CAPN8: variants seen among roughly 807,000 people sequenced by gnomAD.
CAPN8 encodes calpain-8.
A neutral mutation model predicts 80.9 loss-of-function variants in CAPN8; 87 were observed. That is an observed-to-expected ratio of 1.07 (90% CI 0.90 to 1.28). The LOEUF is 1.28. Ranked by LOEUF, CAPN8 falls within the 50% of genes most tolerant of loss-of-function variation. CAPN8 has a pLI of 0.00. For missense variants in CAPN8, 757 were observed against 702.0 expected, an observed-to-expected ratio of 1.08 and a Z score of -0.89; for synonymous variants, 299 against 273.8, an observed-to-expected ratio of 1.09 and a Z score of -0.91.
intron 2 of CAPN8, among the ~76,000 whole-genome samples, chr1:223,638,938 G>A (rs1469898783): frequency 1.3e-5 from 2 of 152,196 alleles, no homozygotes; most frequent in Non-Finnish European, 2.9e-5. Flanking sequence ...TGCTAATGTA[G>A]AATTAAAGTA....
chr1:223,652,895 A>C (rs1289978837), intron 2 of CAPN8, among the ~76,000 whole-genome samples: 1 of 152,046 alleles, frequency 6.6e-6, no homozygotes, highest in Non-Finnish European at 1.5e-5. Flanking sequence ...CATTGGCAGC[A>C]CGCACTCACC....
At chr1:223,547,486 T>C (rs1485141203) in intron 16 of CAPN8, among the ~76,000 whole-genome samples, 1 of 152,158 alleles carries the variant, frequency 6.6e-6, no homozygotes, top group Non-Finnish European at 1.5e-5. Flanking sequence ...GAGCGACTGG[T>C]AATAGGAGTA....
Position 223,553,862 on chromosome 1 carries a change from G to A in CAPN8, c.1611C>T (p.Phe537=), listed in dbSNP as rs1387470969. Residue 537 remains phenylalanine, a synonymous_variant, in exon 14 of 21, where the codon TTC becomes TTT. Coordinates refer to ENST00000366872, the MANE Select transcript of CAPN8 (RefSeq NM_001143962.2). ...PSEVDQEDDQ[F]RRLFEKLAGK... ...CTGCCAACTTCTCAAACAGCCTCCT[G>A]AACTGGTCATCTTCCTGATCCACCT... 2.0e-5 allele frequency: 8 copies of A among 398,572 alleles called. No individual in the cohort carries two copies. Among genetic ancestry groups the A allele is most frequent in the Admixed American group, 4.4e-5 (1 of 22,722 alleles). The allele number at this position is 398,572 out of a possible 1,614,324, so 24.7% of individuals were successfully genotyped here. A position where few individuals can be genotyped will look rare whatever the true frequency, so the allele number is the denominator to read the frequency against.
At chr1:223,646,997 C>G (rs1398352303) in intron 2 of CAPN8, among the ~76,000 whole-genome samples, 1 of 152,144 alleles carries the variant, frequency 6.6e-6, no homozygotes, top group African/African-American at 2.4e-5. Flanking sequence ...GAGAGCACCC[C>G]CTGGCCTGGC....
intron 2 of CAPN8, among the ~76,000 whole-genome samples, chr1:223,648,792 A>G (rs1394650380): frequency 2.6e-5 from 4 of 152,236 alleles, no homozygotes; most frequent in Non-Finnish European, 4.4e-5. Flanking sequence ...AGGTGAAGAG[A>G]AAAATCAGGT....
intron 13 of CAPN8, among the ~76,000 whole-genome samples, chr1:223,556,025 G>A (rs1353855989): frequency 5.3e-5 from 8 of 152,170 alleles, no homozygotes; most frequent in African/African-American, 1.4e-4. Context: ...CATGGCAAAC[G>A]CAAGGAATTA....
chr1:223,621,766 T>C (rs1248093365), intron 7 of CAPN8, among the ~76,000 whole-genome samples: 1 of 151,974 alleles, frequency 6.6e-6, no homozygotes, highest in Non-Finnish European at 1.5e-5. Context: ...CATCACAGAG[T>C]ACCGACAGCA....
chr1:223,621,324 C>T (rs1171809694), intron 7 of CAPN8, among the ~76,000 whole-genome samples: 7 of 151,452 alleles, frequency 4.6e-5, no homozygotes, highest in Non-Finnish European at 1.0e-4. Context: ...TCGGCACCCT[C>T]CTCCTCCAAT....
At chr1:223,643,958 T>G (rs982052895) in intron 2 of CAPN8, among the ~76,000 whole-genome samples, 5 of 152,196 alleles carry the variant, frequency 3.3e-5, no homozygotes, top group Admixed American at 1.3e-4. Context: ...AAAAAAAATT[T>G]TTTTAATACA....
At chr1:223,652,665 C>T (rs966299813) in intron 2 of CAPN8, among the ~76,000 whole-genome samples, 21 of 152,112 alleles carry the variant, frequency 1.4e-4, no homozygotes, top group African/African-American at 5.1e-4. Flanking sequence ...AGCCTTGGCG[C>T]TGTGAATCTC....
rs538586094 is a variant in CAPN8 at position 223,651,377 on chromosome 1, G to T, written c.307+2953C>A. Among the ~76,000 whole-genome samples the T allele has an allele frequency of 1.8e-4, 27 of 152,332 alleles. No individual in the cohort carries two copies. The South Asian group carries it at 5.0e-3, about 28-fold the overall frequency. The stretch of plus-strand genomic sequence containing the variant: ...GCCCAAAGAAAAGTCATATTCTACA[G>T]GAAAAATTACTTGAAACAATTGGAT... On this transcript the variant is annotated intron_variant, in intron 2 of 20. Coordinates refer to ENST00000366872, the MANE Select transcript of CAPN8 (RefSeq NM_001143962.2).
chr1:223,543,839 CA>C (rs1656539798), intron 19 of CAPN8, among the ~76,000 whole-genome samples: 2 of 152,184 alleles, frequency 1.3e-5, no homozygotes. Context: ...GTTAAGTCTC[CA>C]AAAAAGGCAT....
chr1:223,658,891 T>G (rs1234249073), intron 1 of CAPN8, among the ~76,000 whole-genome samples: 4 of 152,138 alleles, frequency 2.6e-5, no homozygotes, highest in Admixed American at 1.3e-4. Flanking sequence ...CCCAAATCTC[T>G]CCATTACTAA....
rs150415640 is a variant in CAPN8, at chr1:223,627,771, G to T, written c.560+238C>A. On this transcript the variant is annotated intron_variant, in intron 4 of 20. Transcript: ENST00000366872. Reference sequence around the variant, plus strand: ...AGCTCAGGCCCAGAGGGGCAGGGAGGCTGGCCCCACCACATACACATTCAC... The same window carrying T: ...AGCTCAGGCCCAGAGGGGCAGGGAGTCTGGCCCCACCACATACACATTCAC... Among the ~76,000 whole-genome samples, 16 of 152,298 alleles carry T rather than the reference G, an allele frequency of 1.1e-4. No individual in the cohort carries two copies. The South Asian group carries it at 3.3e-3, about 32-fold the overall frequency.
chr1:223,610,152 T>C (rs993931292), intron 11 of CAPN8, among the ~76,000 whole-genome samples: 7 of 152,242 alleles, frequency 4.6e-5, no homozygotes, highest in African/African-American at 1.7e-4. Flanking sequence ...TTCATCAAGA[T>C]GCCTGTGACA....
At chr1:223,661,782 T>C (rs1294351869) in intron 1 of CAPN8, among the ~76,000 whole-genome samples, 2 of 152,196 alleles carry the variant, frequency 1.3e-5, no homozygotes, top group Non-Finnish European at 2.9e-5. Context: ...AACGTAGAAC[T>C]GCCATATGAT....
At chr1:223,652,292 A>G (rs1658363299) in intron 2 of CAPN8, among the ~76,000 whole-genome samples, 1 of 151,992 alleles carries the variant, frequency 6.6e-6, no homozygotes, top group South Asian at 2.1e-4. Flanking sequence ...CAGTGAGCCG[A>G]TATCGGGCCA....
chr1:223,659,416 A>C (rs1658584074), intron 1 of CAPN8, among the ~76,000 whole-genome samples: 1 of 152,094 alleles, frequency 6.6e-6, no homozygotes, highest in African/African-American at 2.4e-5. Context: ...TTTGTCTGTC[A>C]GTTTCCCACA....
At chr1:223,625,099 T>C (rs961442233) in intron 6 of CAPN8, among the ~76,000 whole-genome samples, 1 of 151,820 alleles carries the variant, frequency 6.6e-6, no homozygotes, top group East Asian at 1.9e-4. Context: ...TCTCAAAAAA[T>C]AAAAAATAAA....
Sources: gnomAD v4.1 joint callset for allele counts (sites outside exome capture counted in the v4.1 genomes callset) on GRCh38, gnomAD v4.1.1 for gene constraint, MANE v1.5 for transcripts, NCBI Gene and HGNC (gene_info 2026-07-23, HGNC 2026-07-21) for gene names.